The following MYO7A variants were observed in gnomAD, a reference collection of about 807,000 sequenced individuals.
MYO7A encodes the protein myosin VIIA, also known as unconventional myosin-VIIa.
A neutral mutation model predicts 263.8 loss-of-function variants in MYO7A; 210 were observed. The observed-to-expected ratio is 0.80, with a 90% CI of 0.71 to 0.89. MYO7A has a LOEUF of 0.89. Among genes scored for constraint, MYO7A ranks in the 40% least tolerant of loss-of-function variants. The probability of loss-of-function intolerance (pLI) is 0.00; values close to 1 mark genes in which losing one functional copy is unlikely to be tolerated. For synonymous variants in MYO7A, 1,239 were observed against 1,197.3 expected, an observed-to-expected ratio of 1.03 and a Z score of -0.72; for missense variants, 2,820 against 2,968.3, an observed-to-expected ratio of 0.95 and a Z score of 1.16.
chr11:77,180,611 A>C, intron 22 of MYO7A, 130 bp downstream of exon 22: 6 of 758,112 alleles, frequency 7.9e-6, no homozygotes, highest in South Asian at 1.9e-5. Context: ...CACTAGACCC[A>C]CTCAGCCAGC....
intron 4 of MYO7A, among the ~76,000 whole-genome samples, chr11:77,148,555 G>A (rs1951743602): frequency 6.6e-6 from 1 of 152,202 alleles, no homozygotes; most frequent in South Asian, 2.1e-4. Context: ...GAGAAGAGCA[G>A]AGCAATAAGG....
Position 77,192,265 on chromosome 11 carries a change from A to G in MYO7A, c.4139A>G (p.Tyr1380Cys), listed in dbSNP as rs1221300718. ...QVVRGVKFGE[Y>C]RCEKEDDLAE... ...GTGCGAGGAGTCAAGTTTGGGGAGTACAGGTGTGAGAAGGTGAGTGGGAGG... is the reference window on the plus strand; with the variant it reads ...GTGCGAGGAGTCAAGTTTGGGGAGTGCAGGTGTGAGAAGGTGAGTGGGAGG... The change falls in exon 31 of 49, where the codon TAC (tyrosine) becomes TGC (cysteine). Residue 1380 changes from tyrosine (Y) to cysteine (C), a missense_variant. By Grantham distance (194) the Tyr-to-Cys change is radical. Coordinates refer to ENST00000409709, the MANE Select transcript of MYO7A (RefSeq NM_000260.4). 1 of 1,613,880 alleles carries G rather than the reference A, an allele frequency of 6.2e-7. No individual in the cohort carries two copies. The highest frequency in any genetic ancestry group is 8.5e-7 in the Non-Finnish European group (1 of 1,179,870).
At chr11:77,159,403 G>GGCCA in intron 9 of MYO7A, 44 bp from the exon 10 acceptor site, 2 of 711,722 alleles carry the variant, frequency 2.8e-6, no homozygotes, top group Non-Finnish European at 5.0e-6. Context: ...TGCCCCTGTT[G>GGCCA]CCCACCCTCC....
intron 15 of MYO7A, among the ~76,000 whole-genome samples, chr11:77,171,251 G>GT (rs1954060725): frequency 1.3e-5 from 2 of 152,182 alleles, no homozygotes; most frequent in East Asian, 3.9e-4. Context: ...TGTGTTGTGT[G>GT]TGTGTGTGTG....
intron 36 of MYO7A, 21 bp from the exon 37 acceptor site, chr11:77,202,279 C>T (rs1957115109): frequency 1.3e-6 from 2 of 1,571,546 alleles, no homozygotes; most frequent in Non-Finnish European, 1.7e-6. Context: ...TGACCTGAGC[C>T]CCCTGTCTCT....
At chr11:77,213,536 A>G (rs1957997771) in intron 47 of MYO7A, among the ~76,000 whole-genome samples, 1 of 151,932 alleles carries the variant, frequency 6.6e-6, no homozygotes, top group Non-Finnish European at 1.5e-5. Context: ...GTGTTTCCCA[A>G]GGTTCTGCCC....
intron 2 of MYO7A, among the ~76,000 whole-genome samples, chr11:77,142,032 A>C (rs782068608): frequency 7.9e-5 from 12 of 152,216 alleles, no homozygotes; most frequent in Admixed American, 1.3e-4. Flanking sequence ...TCAGTGCTGA[A>C]TGTGGTTGTT....
intron 15 of MYO7A, 107 bp from the exon 16 acceptor site, chr11:77,172,641 C>T: frequency 6.9e-7 from 1 of 1,446,892 alleles, no homozygotes; most frequent in South Asian, 1.2e-5. Context: ...CCCTGTCCCT[C>T]AAACCCTGAC....
In MYO7A at chr11:77,161,129, C is replaced by T; in HGVS notation, c.1343+14C>T. The T allele has an allele frequency of 6.2e-7, 1 of 1,613,198 alleles. No homozygotes were observed. The highest frequency in any genetic ancestry group is 1.1e-5 in the South Asian group (1 of 91,060). On this transcript the variant is annotated intron_variant, in intron 12 of 48. Coordinates refer to ENST00000409709, the MANE Select transcript of MYO7A (RefSeq NM_000260.4). Reference sequence around the variant, plus strand: ...TGCTGTGAACAGGTACCGCGTGGGGCTCTGCTCATGGGAATTTCCTTCCCC... The same window carrying T: ...TGCTGTGAACAGGTACCGCGTGGGGTTCTGCTCATGGGAATTTCCTTCCCC...
At chr11:77,146,763 T>C (rs782525514) in intron 3 of MYO7A, among the ~76,000 whole-genome samples, 10 of 151,950 alleles carry the variant, frequency 6.6e-5, no homozygotes, top group Non-Finnish European at 1.3e-4. Flanking sequence ...CTGGGGCTAC[T>C]GGGTCATGGC....
At chr11:77,206,703 T>C (rs1957465639) in intron 41 of MYO7A, among the ~76,000 whole-genome samples, 2 of 152,182 alleles carry the variant, frequency 1.3e-5, no homozygotes, top group South Asian at 4.1e-4. Flanking sequence ...CTGCCCCTCA[T>C]GGTCCCCAGC....
intron 5 of MYO7A, 59 bp downstream of exon 5, chr11:77,156,150 C>G: frequency 6.4e-7 from 1 of 1,568,100 alleles, no homozygotes; most frequent in Non-Finnish European, 8.7e-7. Context: ...TCCAACTGTG[C>G]GCTCCTGCTG....
chr11:77,180,693 G>A (rs1955102863), intron 22 of MYO7A, among the ~76,000 whole-genome samples: 1 of 152,220 alleles, frequency 6.6e-6, no homozygotes, highest in Non-Finnish European at 1.5e-5. Flanking sequence ...TGGCTCCAGA[G>A]GAAGAGGCCC....
intron 31 of MYO7A, among the ~76,000 whole-genome samples, chr11:77,193,022 GCGA>G (rs1956279284): frequency 7.0e-6 from 1 of 142,692 alleles, no homozygotes; most frequent in African/African-American, 2.8e-5. Flanking sequence ...GGTGGAGGTA[GCGA>G]TGGTGTTGTT....
chr11:77,197,849 G>A (rs932049430), intron 33 of MYO7A, among the ~76,000 whole-genome samples: 3 of 152,368 alleles, frequency 2.0e-5, no homozygotes, highest in Admixed American at 6.5e-5. Context: ...TCTTGCCTGC[G>A]GGATGCTTGG....
At chr11:77,181,781 T>TC (rs1555084535) in intron 23 of MYO7A, among the ~76,000 whole-genome samples, 170 bp from the exon 24 acceptor site, 1 of 124,840 alleles carries the variant, frequency 8.0e-6, no homozygotes, top group Admixed American at 8.5e-5. Context: ...TTTTTTTTGT[T>TC]TTTTTTTTTT....
intron 4 of MYO7A, among the ~76,000 whole-genome samples, chr11:77,155,295 G>A (rs1952342738): frequency 6.6e-6 from 1 of 152,214 alleles, no homozygotes. Context: ...CCTGGCCCCT[G>A]CGCCTACGCT....
Position 77,166,102 on chromosome 11 carries a change from G to C in MYO7A, c.1737G>C (p.Gln579His), listed in dbSNP as rs1555072364. The C allele has an allele frequency of 6.2e-7, 1 of 1,613,908 alleles. No individual in the cohort carries two copies. The highest frequency in any genetic ancestry group is 8.5e-7 in the Non-Finnish European group (1 of 1,179,866). ...ACACCCTGCATGGGGACATTATCCA[G>C]CTGGTCCACTCCTCCAGGAACAAGT... Reference protein sequence around the residue: ...NRDTLHGDIIQLVHSSRNKFI... With the variant: ...NRDTLHGDIIHLVHSSRNKFI... The change falls in exon 15 of 49, where the codon CAG becomes CAC. Residue 579 changes from glutamine (Q) to histidine (H), a missense_variant. Gln to His is a conservative substitution (Grantham distance 24). Transcript: ENST00000409709.
intron 2 of MYO7A, among the ~76,000 whole-genome samples, chr11:77,136,274 G>T (rs1303892652): frequency 6.6e-6 from 1 of 152,118 alleles, no homozygotes; most frequent in African/African-American, 2.4e-5. Context: ...TCATACTAAC[G>T]ATTCGTTGTA....
Sources: gnomAD v4.1 joint callset for allele counts (sites outside exome capture counted in the v4.1 genomes callset) on GRCh38, gnomAD v4.1.1 for gene constraint, MANE v1.5 for transcripts, NCBI Gene and HGNC (gene_info 2026-07-23, HGNC 2026-07-21) for gene names.